BRWD3: variants seen among roughly 807,000 people sequenced by gnomAD.
BRWD3 encodes bromodomain and WD repeat-containing protein 3.
Under a neutral mutation model 149.7 loss-of-function variants are expected in BRWD3, and 10 were observed. That is an observed-to-expected ratio of 0.07 (90% CI 0.04 to 0.11). BRWD3 has a LOEUF of 0.11. Ranked by LOEUF, BRWD3 falls within the 10% of genes least tolerant of loss-of-function variation. BRWD3 has a pLI of 1.00. For synonymous variants in BRWD3, 504 were observed against 456.7 expected, an observed-to-expected ratio of 1.10 and a Z score of -1.32; for missense variants, 940 against 1,373.2, an observed-to-expected ratio of 0.68 and a Z score of 4.99.
At chrX:80,765,245 G>A (rs1224070631) in intron 6 of BRWD3, among the ~76,000 whole-genome samples, 1 of 111,919 alleles carries the variant, frequency 8.9e-6, no homozygotes, top group Non-Finnish European at 1.9e-5. Context: ...ATGCCTCTGA[G>A]TCAACAGGCA....
intron 20 of BRWD3, among the ~76,000 whole-genome samples, chrX:80,712,915 G>T (rs796193857): frequency 1.1e-5 from 1 of 94,175 alleles, no homozygotes; most frequent in Non-Finnish European, 2.3e-5. Flanking sequence ...CCGCCCGGCA[G>T]CCGCCCCGTC....
intron 6 of BRWD3, among the ~76,000 whole-genome samples, chrX:80,787,406 A>C (rs977228132): frequency 9.0e-6 from 1 of 111,365 alleles, no homozygotes; most frequent in Non-Finnish European, 1.9e-5. Flanking sequence ...AGAAAAACCA[A>C]AACAATTTTT....
chrX:80,759,120 C>T (rs1407554064), intron 6 of BRWD3, among the ~76,000 whole-genome samples: 2 of 111,558 alleles, frequency 1.8e-5, no homozygotes, highest in African/African-American at 3.3e-5. Flanking sequence ...TACACTTCTA[C>T]GAATGAAGGT....
Position 80,676,462 on chromosome X carries a change from G to A in BRWD3, c.*147C>T. 1 of 748,531 alleles carries A rather than the reference G, an allele frequency of 1.3e-6. No homozygotes were observed. Among genetic ancestry groups the A allele is most frequent in the Non-Finnish European group, 1.9e-6 (1 of 517,930 alleles). 61.7% of individuals were successfully genotyped at this position (748,531 alleles called of 1,213,427 possible). A position where few individuals can be genotyped will look rare whatever the true frequency, so the allele number is the denominator to read the frequency against. ...ATGAAGTGTGGAGATCAAAAGTCTT[G>A]AAACAAATGTATACTGGCATAAATG... On this transcript the variant is annotated 3_prime_UTR_variant, in exon 41 of 41. Coordinates refer to ENST00000373275, the MANE Select transcript of BRWD3 (RefSeq NM_153252.5).
intron 6 of BRWD3, among the ~76,000 whole-genome samples, chrX:80,782,895 C>T (rs1333558961): frequency 9.2e-6 from 1 of 108,905 alleles, no homozygotes; most frequent in Admixed American, 1.0e-4. Flanking sequence ...AGGCAAGACC[C>T]TATTTAAAAA....
At chrX:80,692,247 G>GA (rs2072623320) in intron 28 of BRWD3, 97 bp from the exon 29 acceptor site, 15 of 746,695 alleles carry the variant, frequency 2.0e-5, no homozygotes, top group Non-Finnish European at 2.9e-5. Context: ...GGTGAAATTT[G>GA]AAAAAGGGCA....
intron 21 of BRWD3, 51 bp downstream of exon 21, chrX:80,709,377 C>G (rs1214445216): frequency 1.8e-6 from 2 of 1,116,799 alleles, no homozygotes; most frequent in Admixed American, 4.5e-5. Context: ...ATGGATGATA[C>G]AAACTGGGAA....
chrX:80,697,784 T>A lies in BRWD3; in HGVS notation c.2944-921A>T, dbSNP rs747062171. ...AATAGTGATGTGACGAACATGCATG[T>A]GCATGTGTCTTCATGGTAGAACAAT... On this transcript the variant is annotated intron_variant, in intron 25 of 40. Coordinates refer to ENST00000373275, the MANE Select transcript of BRWD3 (RefSeq NM_153252.5). Among the ~76,000 whole-genome samples the A allele has an allele frequency of 2.7e-5, 3 of 112,121 alleles. No homozygotes were observed. The South Asian group carries it at 1.1e-3, about 42-fold the overall frequency.
chrX:80,725,757 A>G (rs1464483128), intron 14 of BRWD3, among the ~76,000 whole-genome samples: 1 of 108,338 alleles, frequency 9.2e-6, no homozygotes, highest in Non-Finnish European at 1.9e-5. Flanking sequence ...ATAACATATA[A>G]CATGTTTACA....
At chrX:80,734,924 T>C (rs1463210308) in intron 10 of BRWD3, among the ~76,000 whole-genome samples, 1 of 110,630 alleles carries the variant, frequency 9.0e-6, no homozygotes, top group African/African-American at 3.3e-5. Context: ...TATAAAAATG[T>C]ATTAAATTAT....
At chrX:80,693,257 A>G (rs1302891770) in intron 27 of BRWD3, among the ~76,000 whole-genome samples, 1 of 112,307 alleles carries the variant, frequency 8.9e-6, no homozygotes, top group Non-Finnish European at 1.9e-5. Context: ...TTTCTGAAAT[A>G]AATTACATAT....
chrX:80,724,611 A>G lies in BRWD3; in HGVS notation c.1521+322T>C, dbSNP rs138280630. On this transcript the variant is annotated intron_variant, in intron 15 of 40. Coordinates refer to ENST00000373275, the MANE Select transcript of BRWD3 (RefSeq NM_153252.5). ...ATACAAGTATTACAGTCACTGTTAC[A>G]ATTCATAAATCAGAATTACATTTTA... Among the ~76,000 whole-genome samples, 269 of 111,864 alleles carry G rather than the reference A, an allele frequency of 2.4e-3. 8 individuals are homozygous for G. In the East Asian group the frequency reaches 0.062, roughly 26 times the overall value.
chrX:80,694,243 T>C (rs1167696412), intron 27 of BRWD3, among the ~76,000 whole-genome samples: 1 of 111,852 alleles, frequency 8.9e-6, no homozygotes, highest in African/African-American at 3.3e-5. Flanking sequence ...AGTCAAGAAT[T>C]GAGGTTTGGG....
At chrX:80,680,993 A>G (rs1407394043) in intron 40 of BRWD3, among the ~76,000 whole-genome samples, 3 of 47,278 alleles carry the variant, frequency 6.3e-5, no homozygotes, top group Non-Finnish European at 1.1e-4. Context: ...TTTTTTTTGT[A>G]GAGATTAGGT....
chrX:80,785,541 G>C (rs191628513), intron 6 of BRWD3, among the ~76,000 whole-genome samples: 1 of 111,212 alleles, frequency 9.0e-6, no homozygotes, highest in East Asian at 2.8e-4. Context: ...TTAACTATAC[G>C]AACGACGGAA....
chrX:80,675,093 A>G lies in BRWD3; in HGVS notation c.*1516T>C. 8.9e-6 allele frequency: 1 copy of G among 111,822 alleles called. No individual in the cohort carries two copies. Among genetic ancestry groups the G allele is most frequent in the East Asian group, 2.8e-4 (1 of 3,549 alleles). 9.2% of individuals were successfully genotyped at this position (111,822 alleles called of 1,213,427 possible). On this transcript the variant is annotated 3_prime_UTR_variant, in exon 41 of 41. Coordinates refer to ENST00000373275, the MANE Select transcript of BRWD3 (RefSeq NM_153252.5). Reference sequence around the variant, plus strand: ...AGAAATGTAAGTATCTAACAAATGAACAAATCTGTAATATTAAATTTGGGG... The same window carrying G: ...AGAAATGTAAGTATCTAACAAATGAGCAAATCTGTAATATTAAATTTGGGG...
At chrX:80,788,085 AAAATAAAT>A (rs554615479) in intron 6 of BRWD3, among the ~76,000 whole-genome samples, 3,134 of 88,219 alleles carry the variant, frequency 0.036, 153 homozygotes, top group African/African-American at 0.12. Flanking sequence ...CTCTGTCTCA[AAAATAAAT>A]AAATAAATAA....
chrX:80,686,650 A>C (rs1048167080), intron 35 of BRWD3, among the ~76,000 whole-genome samples: 2 of 111,133 alleles, frequency 1.8e-5, no homozygotes, highest in Admixed American at 1.9e-4. Flanking sequence ...ATTCTGATTT[A>C]AATTTTTGTT....
intron 6 of BRWD3, among the ~76,000 whole-genome samples, chrX:80,767,932 T>C (rs2073885411): frequency 8.9e-6 from 1 of 111,808 alleles, no homozygotes; most frequent in Non-Finnish European, 1.9e-5. Context: ...ACGTGACGCA[T>C]GCAGAAGCTT....
Sources: gnomAD v4.1 joint callset for allele counts (sites outside exome capture counted in the v4.1 genomes callset) on GRCh38, gnomAD v4.1.1 for gene constraint, MANE v1.5 for transcripts, NCBI Gene and HGNC (gene_info 2026-07-23, HGNC 2026-07-21) for gene names.